Variants in STAT6 observed in about 807,000 individuals in gnomAD.
STAT6 encodes the protein STAT, interleukin4-induced.
In STAT6, 45 loss-of-function variants were observed where a neutral mutation model predicts 106.3. The observed-to-expected ratio is 0.42, with a 90% CI of 0.33 to 0.54. The LOEUF is 0.54. Among genes scored for constraint, STAT6 ranks in the 20% least tolerant of loss-of-function variants. The pLI is 0.06. For missense variants in STAT6, 797 were observed against 1,062.2 expected (o/e 0.75, Z 3.47); for synonymous variants, 413 against 413.6 (o/e 1.00, Z 0.02).
At chr12:57,102,993 T>TCC (rs2034046333) in intron 11 of STAT6, 72 bp from the exon 12 acceptor site, 1 of 288,838 alleles carries the variant, frequency 3.5e-6, no homozygotes, top group Admixed American at 6.3e-5. Context: ...TTTTTTTTTT[T>TCC]TTTTTTTTTT....
At chr12:57,109,517 A>AG (rs1399822286) in intron 1 of STAT6, among the ~76,000 whole-genome samples, 1 of 152,178 alleles carries the variant, frequency 6.6e-6, no homozygotes, top group Non-Finnish European at 1.5e-5. Flanking sequence ...GATCCCTTCC[A>AG]GGGGCAAATC....
Position 57,105,619 on chromosome 12 carries a change from CA to C in STAT6, c.681-21del. ...TCACACCTGGGGCCAGGACAGTGGT[CA>C]GGGGGCACAGGATTAAGGCTGCTTG... On this transcript the variant is annotated intron_variant, in intron 7 of 21. Transcript: ENST00000300134. The C allele has an allele frequency of 6.2e-7, 1 of 1,612,578 alleles. No homozygotes were observed. The highest frequency in any genetic ancestry group is 8.5e-7 in the Non-Finnish European group (1 of 1,179,542).
At position 57,099,245 on chromosome 12, in the gene STAT6, G is replaced by A; in HGVS notation, c.1891+49C>T. The A allele has an allele frequency of 1.9e-6, 3 of 1,612,342 alleles. No homozygotes were observed. Among genetic ancestry groups the A allele is most frequent in the Non-Finnish European group, 2.5e-6 (3 of 1,178,686 alleles). ...GGGAGAGGAGGGCAGCGGGGAGCAGGGAGGAAGTGGGTGACAGGAAGGAAT... is the reference window on the plus strand; with the variant it reads ...GGGAGAGGAGGGCAGCGGGGAGCAGAGAGGAAGTGGGTGACAGGAAGGAAT... On this transcript the variant is annotated intron_variant, in intron 16 of 21. Transcript: ENST00000300134. The surrounding 1 kb of genome is among the most constrained non-coding windows in gnomAD (Gnocchi z 4.7).
rs1450382163 is a variant in STAT6 at position 57,104,558 on chromosome 12, C to T, written c.1118G>A (p.Arg373Gln). 8 of 1,614,022 alleles carry T rather than the reference C, an allele frequency of 5.0e-6. No individual in the cohort carries two copies. The highest frequency in any genetic ancestry group is 5.9e-6 in the Non-Finnish European group (7 of 1,179,962). ...LLLKKIKRCE[R>Q]KGTESVTEEK... ...CTCTGTGACAGACTCAGTGCCCTTC[C>T]GCTCACACCGCTTGATCTTCTTGAG... The change falls in exon 11 of 22, where the codon CGG becomes CAG. Residue 373 changes from arginine to glutamine, a missense_variant. Arg to Gln is a conservative substitution (Grantham distance 43). Transcript: ENST00000300134.
intron 13 of STAT6, among the ~76,000 whole-genome samples, chr12:57,101,715 A>C (rs2033946789): frequency 7.4e-6 from 1 of 134,982 alleles, no homozygotes; most frequent in Non-Finnish European, 1.5e-5. Context: ...CCCAGGCTTG[A>C]GTGCAGTGGT....
intron 18 of STAT6, 97 bp downstream of exon 18, chr12:57,098,695 C>G: frequency 6.4e-7 from 1 of 1,553,156 alleles, no homozygotes. Flanking sequence ...AAGGAAGATT[C>G]CCTGTTCAGC....
At chr12:57,110,710 C>T (rs549767363) in intron 1 of STAT6, among the ~76,000 whole-genome samples, 1 of 152,238 alleles carries the variant, frequency 6.6e-6, no homozygotes, top group East Asian at 1.9e-4. Flanking sequence ...GGGGCTTGCT[C>T]ACGCCCCAGC....
rs770873712 is a variant in STAT6, at chr12:57,105,288, C to A, written c.864G>T (p.Lys288Asn). ...QPPQVLKTQT[K>N]FQAGVRFLLG... ...ACAGGAATCGAACTCCAGCCTGGAA[C>A]TTGGTCTGAGTCTTCAGTACCTGGG... The change falls in exon 9 of 22, where the codon AAG becomes AAT. Residue 288 changes from lysine to asparagine, a missense_variant. By Grantham distance (94) the Lys-to-Asn change is moderately conservative. This residue lies in a region of STAT6 where 336 missense variants were observed against 429.8 expected (regional missense o/e 0.78). Coordinates refer to ENST00000300134, the MANE Select transcript of STAT6 (RefSeq NM_003153.5). 6.2e-7 allele frequency: 1 copy of A among 1,614,186 alleles called. No individual in the cohort carries two copies. Among genetic ancestry groups the A allele is most frequent in the Non-Finnish European group, 8.5e-7 (1 of 1,180,018 alleles).
At chr12:57,100,973 G>A (rs2033891282) in intron 13 of STAT6, 1 of 418,506 alleles carries the variant, frequency 2.4e-6, no homozygotes, top group African/African-American at 2.1e-5. Flanking sequence ...ACATACATAA[G>A]GTGTTAAGCA....
chr12:57,100,138 G>A (rs1313482443), intron 13 of STAT6, 48 bp from the exon 14 acceptor site: 1 of 1,526,802 alleles, frequency 6.5e-7, no homozygotes. Context: ...GCCAGAGCTG[G>A]AGCCTGTTTA....
At chr12:57,109,842 C>T (rs548716175) in intron 1 of STAT6, 3 of 152,202 alleles carry the variant, frequency 2.0e-5, no homozygotes, top group East Asian at 1.9e-4. Context: ...CTCATAATAT[C>T]CCTCTCCCAG....
chr12:57,106,827 C>A lies in STAT6; in HGVS notation c.344G>T (p.Arg115Leu). ...CCAGTGGAAAGGCATTGGCAAGTGG[C>A]GGAACTACACAGGAAGGACAGATGC... ...GEKKAVMEQF[R>L]HLPMPFHWKQ... Residue 115 changes from arginine (R) to leucine (L), a missense_variant, in exon 5 of 22, where the codon CGC becomes CTC. Arg to Leu is a moderately radical substitution (Grantham distance 102). Transcript: ENST00000300134. The A allele has an allele frequency of 6.2e-7, 1 of 1,613,714 alleles. No homozygotes were observed. Among genetic ancestry groups the A allele is most frequent in the Non-Finnish European group, 8.5e-7 (1 of 1,180,014 alleles).
chr12:57,098,992 A>G (rs1448854296), intron 17 of STAT6, 23 bp downstream of exon 17: 4 of 1,614,000 alleles, frequency 2.5e-6, no homozygotes, highest in Non-Finnish European at 2.5e-6. Context: ...TGACCTACCC[A>G]CTGTCCATAC....
Position 57,100,656 on chromosome 12 carries a change from GAAA to G in STAT6, c.1513-569_1513-567del. ...AGAGAAAGAGAAAGAAAGAAAGAAA[GAAA>G]GAAAGAAAGAAAGAAAGAAAGAAAG... On this transcript the variant is annotated intron_variant, in intron 13 of 21. Coordinates refer to ENST00000300134, the MANE Select transcript of STAT6 (RefSeq NM_003153.5). Among the ~76,000 whole-genome samples, 4 of 41,012 alleles carry G rather than the reference GAAA, an allele frequency of 9.8e-5. 1 individual carries two copies. In the South Asian group the frequency reaches 2.8e-3, roughly 29 times the overall value. The allele number at this position is 41,012 out of a possible 152,430, so 26.9% of individuals were successfully genotyped here.
In STAT6 at chr12:57,095,922, C is replaced by G. The variant is rs1484678377; in HGVS notation, c.*650G>C. 1 of 152,364 alleles carries G rather than the reference C, an allele frequency of 6.6e-6. No individual in the cohort carries two copies. The highest frequency in any genetic ancestry group is 2.1e-4 in the South Asian group (1 of 4,834). The allele number at this position is 152,364 out of a possible 1,614,324, so 9.4% of individuals were successfully genotyped here. A position where few individuals can be genotyped will look rare whatever the true frequency, so the allele number is the denominator to read the frequency against. On this transcript the variant is annotated 3_prime_UTR_variant, in exon 22 of 22. Coordinates refer to ENST00000300134, the MANE Select transcript of STAT6 (RefSeq NM_003153.5). ...CACAGCTATACACGAAGAATCTCAG[C>G]CCTTGTACTTTTGCATAGTCTCATA...
chr12:57,109,070 C>T (rs1001529800), intron 1 of STAT6, among the ~76,000 whole-genome samples: 3 of 152,060 alleles, frequency 2.0e-5, no homozygotes, highest in Non-Finnish European at 4.4e-5. Context: ...GGCGTGGTGG[C>T]GAGCGCCTGT....
chr12:57,103,011 T>G (rs1334829561), intron 11 of STAT6, 90 bp from the exon 12 acceptor site: 3 of 617,590 alleles, frequency 4.9e-6, no homozygotes, highest in East Asian at 7.7e-5. Context: ...TTTTTTTTTT[T>G]TTTAGATAGT....
At chr12:57,102,534 C>T in intron 12 of STAT6, 38 bp from the exon 13 acceptor site, 1 of 1,603,836 alleles carries the variant, frequency 6.2e-7, no homozygotes, top group Non-Finnish European at 8.5e-7. Context: ...CTGCAGGCTA[C>T]CGTCTTGTTA....
chr12:57,107,684 T>C lies in STAT6; in HGVS notation c.176A>G (p.Asp59Gly). The C allele has an allele frequency of 1.2e-6, 2 of 1,613,772 alleles. No individual in the cohort carries two copies. The highest frequency in any genetic ancestry group is 1.7e-6 in the Non-Finnish European group (2 of 1,179,984). ...CGAGGCCTGAAGGTGCTGGACAGTG[T>C]CTGAAAGTAGGGCACTAGCCAAGTT... ...CCNLASALLS[D>G]TVQHLQASVG... Residue 59 changes from aspartate to glycine, a missense_variant, in exon 3 of 22, where the codon GAC (aspartate) becomes GGC (glycine). Transcript: ENST00000300134.
Sources: allele counts gnomAD v4.1 joint callset (sites outside exome capture counted in the v4.1 genomes callset), GRCh38; gene constraint gnomAD v4.1.1; regional missense constraint gnomAD v4.1.1; non-coding constraint Gnocchi (gnomAD v3.1); transcripts MANE v1.5; gene names NCBI Gene and HGNC (gene_info 2026-07-23, HGNC 2026-07-21).